The following TBCD variants were observed in gnomAD, a reference collection of about 807,000 sequenced individuals.
The protein encoded by TBCD is tubulin-specific chaperone D.
In TBCD, 105 loss-of-function variants were observed where a neutral mutation model predicts 169.3. That is an observed-to-expected ratio of 0.62 (90% CI 0.53 to 0.73). The LOEUF (loss-of-function observed/expected upper bound fraction) is 0.73. TBCD is among the 30% of genes least tolerant of loss of function. The pLI is 0.00. For synonymous variants in TBCD, 700 were observed against 643.9 expected, an observed-to-expected ratio of 1.09 and a Z score of -1.32; for missense variants, 1,444 against 1,600.1, an observed-to-expected ratio of 0.90 and a Z score of 1.66.
At chr17:82,921,880 TC>T (rs760812006) in intron 25 of TBCD, among the ~76,000 whole-genome samples, 71 of 152,358 alleles carry the variant, frequency 4.7e-4, no homozygotes, top group Non-Finnish European at 6.9e-4. Flanking sequence ...TCTGTTGAGT[TC>T]CGTGTCCTGT....
intron 9 of TBCD, among the ~76,000 whole-genome samples, chr17:82,804,345 G>A (rs1211765454): frequency 1.3e-5 from 2 of 152,116 alleles, no homozygotes; most frequent in African/African-American, 4.8e-5. Context: ...GTTTTGGTGG[G>A]TCTGGAATCT....
Position 82,930,171 on chromosome 17 carries a change from G to A in TBCD, c.2992-351G>A, listed in dbSNP as rs935257859. 2.9e-5 allele frequency: 9 copies of A among 313,876 alleles called. No homozygotes were observed. Among genetic ancestry groups the A allele is most frequent in the East Asian group, 2.3e-4 (3 of 13,200 alleles). 19.4% of individuals were successfully genotyped at this position (313,876 alleles called of 1,614,324 possible). A position where few individuals can be genotyped will look rare whatever the true frequency, so the allele number is the denominator to read the frequency against. ...CCGGGCCACATGCGAGCGGGGCCCC[G>A]AGACATTCTGCACTCGGGAATTGCG... On this transcript the variant is annotated intron_variant, in intron 32 of 38. Transcript: ENST00000355528. The surrounding 1 kb of genome is among the most constrained non-coding windows in gnomAD (Gnocchi z 5.2).
At chr17:82,780,645 C>CTTTTT (rs36145167) in intron 6 of TBCD, among the ~76,000 whole-genome samples, 1,184 of 104,674 alleles carry the variant, frequency 0.011, 69 homozygotes, top group South Asian at 0.033. Flanking sequence ...AAGACTTGGG[C>CTTTTT]TTTTTTTTTT....
chr17:82,755,325 C>T (rs1001791806), intron 1 of TBCD, among the ~76,000 whole-genome samples: 8 of 152,144 alleles, frequency 5.3e-5, no homozygotes, highest in African/African-American at 1.9e-4. Context: ...AGGTACCAGA[C>T]TTAGTTAATT....
chr17:82,849,621 C>CATTTACTCAG, intron 13 of TBCD, among the ~76,000 whole-genome samples: 1 of 152,202 alleles, frequency 6.6e-6, no homozygotes, highest in Non-Finnish European at 1.5e-5. Context: ...GGCATTGTTC[C>CATTTACTCAG]AAGCACACGG....
chr17:82,814,775 T>C, intron 12 of TBCD, 65 bp from the exon 13 acceptor site: 4 of 1,512,748 alleles, frequency 2.6e-6, no homozygotes, highest in Middle Eastern at 1.7e-4. Context: ...CTCCTTGCCA[T>C]GCTGTGGGCT....
chr17:82,758,544 C>T (rs529634992), intron 2 of TBCD, among the ~76,000 whole-genome samples: 367 of 150,020 alleles, frequency 2.4e-3, no homozygotes, highest in African/African-American at 7.4e-3. Context: ...GCCAGCGTGC[C>T]CAGCTGAGTT....
chr17:82,857,048 C>T (rs1435499658), intron 13 of TBCD, among the ~76,000 whole-genome samples: 2 of 152,238 alleles, frequency 1.3e-5, no homozygotes, highest in Non-Finnish European at 2.9e-5. Context: ...GCTGTTTCCA[C>T]AGACGCTGTG....
intron 13 of TBCD, chr17:82,860,544 T>A: frequency 1.3e-6 from 1 of 750,804 alleles, no homozygotes; most frequent in Non-Finnish European, 1.6e-6. Context: ...AAGAAAGTTC[T>A]AGCTTAGAAC....
chr17:82,891,979 C>T (rs1015569325), intron 16 of TBCD, among the ~76,000 whole-genome samples: 26 of 152,168 alleles, frequency 1.7e-4, no homozygotes, highest in African/African-American at 6.3e-4. Flanking sequence ...GCTGTCCAGG[C>T]CCCCGACACC....
intron 6 of TBCD, among the ~76,000 whole-genome samples, chr17:82,776,080 A>G (rs896053341): frequency 6.6e-6 from 1 of 152,072 alleles, no homozygotes; most frequent in Admixed American, 6.6e-5. Flanking sequence ...TTAGCTGGGC[A>G]TGGTGGTGCG....
chr17:82,919,168 C>G (rs908999695), intron 23 of TBCD, among the ~76,000 whole-genome samples: 11 of 152,164 alleles, frequency 7.2e-5, no homozygotes, highest in African/African-American at 2.4e-4. Flanking sequence ...TTCCTTTCTC[C>G]TCCCCTCCTC....
intron 13 of TBCD, chr17:82,860,299 G>C: frequency 1.1e-6 from 1 of 918,388 alleles, no homozygotes; most frequent in Non-Finnish European, 1.3e-6. Context: ...CCCCTGCATG[G>C]CGGTCACGCT....
intron 36 of TBCD, 43 bp downstream of exon 36, chr17:82,938,179 C>A: frequency 6.3e-7 from 1 of 1,581,028 alleles, no homozygotes; most frequent in Non-Finnish European, 8.6e-7. Flanking sequence ...CGTGTGGACA[C>A]AAGCCCCTCA....
chr17:82,861,437 AT>A (rs1269968426), intron 13 of TBCD, among the ~76,000 whole-genome samples: 1 of 152,154 alleles, frequency 6.6e-6, no homozygotes, highest in Non-Finnish European at 1.5e-5. Flanking sequence ...TGGGGGATGG[AT>A]CAGTGGATGG....
chr17:82,896,315 G>A (rs1479448151), intron 17 of TBCD, among the ~76,000 whole-genome samples: 1 of 152,172 alleles, frequency 6.6e-6, no homozygotes, highest in Non-Finnish European at 1.5e-5. Flanking sequence ...CCACTCACCT[G>A]GTGAGGGGCT....
chr17:82,838,675 A>G (rs1345800722), intron 13 of TBCD: 1 of 985,334 alleles, frequency 1.0e-6, no homozygotes, highest in African/African-American at 1.7e-5. Context: ...ACTCCCTCCC[A>G]GCCTTTCGGT....
At chr17:82,797,629 A>G (rs2050193943) in intron 7 of TBCD, 128 bp from the exon 8 acceptor site, 5 of 690,364 alleles carry the variant, frequency 7.2e-6, no homozygotes, top group Non-Finnish European at 1.2e-5. Context: ...TGTTTTCTTT[A>G]TTATTAGGTG....
At chr17:82,809,845 C>G (rs2051297477) in intron 12 of TBCD, 63 bp downstream of exon 12, 4 of 1,479,172 alleles carry the variant, frequency 2.7e-6, no homozygotes, top group Non-Finnish European at 2.8e-6. Context: ...CCTGGCTTTC[C>G]TTATATCCTT....
Sources: gnomAD v4.1 joint callset for allele counts (sites outside exome capture counted in the v4.1 genomes callset) on GRCh38, gnomAD v4.1.1 for gene constraint, Gnocchi (gnomAD v3.1) non-coding constraint, MANE v1.5 for transcripts, NCBI Gene and HGNC (gene_info 2026-07-23, HGNC 2026-07-21) for gene names.